Variants in ARHGAP21 observed in about 807,000 individuals in gnomAD.
ARHGAP21 encodes the protein rho GTPase-activating protein 21.
In ARHGAP21, 38 loss-of-function variants were observed where a neutral mutation model predicts 164.6. That is an observed-to-expected ratio of 0.23 (90% confidence interval 0.18 to 0.30). The LOEUF (loss-of-function observed/expected upper bound fraction) is 0.30, where lower values mean the gene tolerates loss of function less well. ARHGAP21 is among the 10% of genes least tolerant of loss of function. The pLI, the probability that ARHGAP21 is intolerant of heterozygous loss-of-function variation, is 1.00. For synonymous variants in ARHGAP21, 766 were observed against 857.9 expected, an observed-to-expected ratio of 0.89 and a Z score of 1.87; for missense variants, 1,822 against 2,370.7, an observed-to-expected ratio of 0.77 and a Z score of 4.81.
At chr10:24,719,207 T>C (rs945352310) in intron 2 of ARHGAP21, among the ~76,000 whole-genome samples, 2 of 151,988 alleles carry the variant, frequency 1.3e-5, no homozygotes, top group East Asian at 3.9e-4. Context: ...TAAAAGTATA[T>C]AAATTCGTGT....
chr10:24,672,398 A>G (rs1307888532), intron 2 of ARHGAP21, among the ~76,000 whole-genome samples: 2 of 152,138 alleles, frequency 1.3e-5, no homozygotes, highest in Non-Finnish European at 2.9e-5. Flanking sequence ...CTCATCTGCT[A>G]AGTTCCTGAA....
At chr10:24,622,583 A>C (rs1319049381) in intron 8 of ARHGAP21, 150 bp downstream of exon 8, 2 of 785,808 alleles carry the variant, frequency 2.5e-6, no homozygotes, top group Non-Finnish European at 1.9e-6. Flanking sequence ...CAAACCATCT[A>C]TCACAAACGT....
chr10:24,621,926 TTAA>T (rs1433835295), intron 8 of ARHGAP21, among the ~76,000 whole-genome samples: 6 of 152,164 alleles, frequency 3.9e-5, no homozygotes, highest in Non-Finnish European at 8.8e-5. Flanking sequence ...GCTAAGTATT[TTAA>T]TATTTAAAGT....
intron 6 of ARHGAP21, 25 bp downstream of exon 6, chr10:24,633,377 G>C (rs766805766): frequency 9.9e-6 from 15 of 1,515,768 alleles, no homozygotes; most frequent in Non-Finnish European, 1.4e-5. Context: ...CCCATCTTTG[G>C]GTTTTAATGT....
chr10:24,703,833 G>A (rs1441807528), intron 2 of ARHGAP21, among the ~76,000 whole-genome samples: 1 of 152,052 alleles, frequency 6.6e-6, no homozygotes, highest in Non-Finnish European at 1.5e-5. Context: ...TAGCTTCAAC[G>A]GTGAAACTCA....
At position 24,682,967 on chromosome 10, in the gene ARHGAP21, A is replaced by G. The variant is rs191501450; in HGVS notation, c.64-12570T>C. On this transcript the variant is annotated intron_variant, in intron 2 of 25. Coordinates refer to ENST00000396432, the MANE Select transcript of ARHGAP21 (RefSeq NM_020824.4). ...AAAAATTAGCCAGGCGTGGTGGCGG[A>G]CACCTGTGGTCCCAGCTGCTTGAGA... Among the ~76,000 whole-genome samples, 478 of 151,966 alleles carry G rather than the reference A, an allele frequency of 3.1e-3. 4 individuals carry two copies. Among genetic ancestry groups the G allele is most frequent in the Non-Finnish European group, 6.0e-3 (409 of 67,946 alleles).
At chr10:24,656,391 G>A (rs866850095) in intron 4 of ARHGAP21, among the ~76,000 whole-genome samples, 3,212 of 98,166 alleles carry the variant, frequency 0.033, 29 homozygotes, top group Non-Finnish European at 0.048. Context: ...GAGGGAGGTG[G>A]GGGGGTCAGC....
In ARHGAP21 at chr10:24,601,905, G is replaced by A. The variant is rs1392800850; in HGVS notation, c.2847+73C>T. The A allele has an allele frequency of 4.3e-5, 57 of 1,334,440 alleles. No homozygotes were observed. The Admixed American group carries it at 5.4e-4, about 13-fold the overall frequency. The allele number at this position is 1,334,440 out of a possible 1,614,324, so 82.7% of individuals were successfully genotyped here. On this transcript the variant is annotated intron_variant, in intron 13 of 25. Coordinates refer to ENST00000396432, the MANE Select transcript of ARHGAP21 (RefSeq NM_020824.4). ...TAATCTGGATATCATGCCATTTTAT[G>A]TATACAGGCTTTATGGTTTATTTGT...
chr10:24,686,183 C>T (rs1842191176), intron 2 of ARHGAP21, among the ~76,000 whole-genome samples: 1 of 152,170 alleles, frequency 6.6e-6, no homozygotes, highest in Non-Finnish European at 1.5e-5. Context: ...GTAATCCCAG[C>T]ACTTTGGGAA....
intron 4 of ARHGAP21, among the ~76,000 whole-genome samples, chr10:24,653,376 C>T (rs542759321): frequency 6.6e-6 from 1 of 152,060 alleles, no homozygotes; most frequent in Non-Finnish European, 1.5e-5. Context: ...AAATCGAGAC[C>T]ATCCTGGCTA....
At chr10:24,705,282 C>G (rs867582374) in intron 2 of ARHGAP21, among the ~76,000 whole-genome samples, 2 of 152,126 alleles carry the variant, frequency 1.3e-5, no homozygotes, top group African/African-American at 4.8e-5. Flanking sequence ...TATCTATCTT[C>G]TTTTATCCTC....
At chr10:24,633,986 C>T (rs1187197724) in intron 5 of ARHGAP21, among the ~76,000 whole-genome samples, 1 of 148,932 alleles carries the variant, frequency 6.7e-6, no homozygotes, top group African/African-American at 2.5e-5. Flanking sequence ...CTCTGCCTCC[C>T]GGGTTCAAGC....
intron 4 of ARHGAP21, among the ~76,000 whole-genome samples, chr10:24,642,701 G>T (rs576003257): frequency 1.3e-5 from 2 of 151,976 alleles, no homozygotes; most frequent in African/African-American, 4.8e-5. Flanking sequence ...AGCCCCAAAG[G>T]CTATGAAATA....
intron 2 of ARHGAP21, among the ~76,000 whole-genome samples, chr10:24,712,312 T>C (rs1486444884): frequency 6.6e-6 from 1 of 152,180 alleles, no homozygotes; most frequent in Admixed American, 6.5e-5. Flanking sequence ...GAAGGCCATG[T>C]ACGGACAGGC....
chr10:24,617,012 A>G (rs1385928449), intron 9 of ARHGAP21, among the ~76,000 whole-genome samples: 3 of 152,200 alleles, frequency 2.0e-5, no homozygotes, highest in Non-Finnish European at 4.4e-5. Context: ...CCTGCGCTGC[A>G]GACTGGTACT....
intron 14 of ARHGAP21, among the ~76,000 whole-genome samples, chr10:24,600,384 G>T (rs2076765622): frequency 6.6e-6 from 1 of 152,096 alleles, no homozygotes; most frequent in Non-Finnish European, 1.5e-5. Context: ...AAACAACCAG[G>T]ACTAGGAATG....
intron 2 of ARHGAP21, among the ~76,000 whole-genome samples, chr10:24,673,839 G>A (rs894583312): frequency 6.6e-6 from 1 of 152,148 alleles, no homozygotes; most frequent in African/African-American, 2.4e-5. Flanking sequence ...TCCAGCCTGG[G>A]TGCAGAGTGA....
intron 2 of ARHGAP21, among the ~76,000 whole-genome samples, chr10:24,713,663 G>A (rs1030527952): frequency 1.3e-5 from 2 of 149,940 alleles, no homozygotes; most frequent in Admixed American, 1.3e-4. Context: ...TAAGTGATGG[G>A]GGTCTCCCTA....
intron 2 of ARHGAP21, among the ~76,000 whole-genome samples, chr10:24,718,167 G>C (rs988559158): frequency 1.3e-5 from 2 of 152,108 alleles, no homozygotes; most frequent in Non-Finnish European, 2.9e-5. Flanking sequence ...ATGACGAGAC[G>C]GAAGAGTGAG....
Sources: allele counts gnomAD v4.1 joint callset (sites outside exome capture counted in the v4.1 genomes callset), GRCh38; gene constraint gnomAD v4.1.1; transcripts MANE v1.5; gene names NCBI Gene and HGNC (gene_info 2026-07-23, HGNC 2026-07-21).